Variants in CXCL14 observed in about 807,000 individuals in gnomAD.
CXCL14 encodes the protein C-X-C motif chemokine 14.
CXCL14 carries 9 observed loss-of-function variants against 16.1 expected under a neutral mutation model. That is an observed-to-expected ratio of 0.56 (90% CI 0.34 to 0.97). CXCL14 has a LOEUF of 0.97. Ranked by LOEUF, CXCL14 falls within the 50% of genes least tolerant of loss-of-function variation. CXCL14 has a pLI of 0.02. For synonymous variants in CXCL14, 55 were observed against 52.8 expected, an observed-to-expected ratio of 1.04 and a Z score of -0.18; for missense variants, 111 against 132.5, an observed-to-expected ratio of 0.84 and a Z score of 0.80.
chr5:135,574,361 G>A (rs923254442), intron 3 of CXCL14, among the ~76,000 whole-genome samples: 4 of 152,248 alleles, frequency 2.6e-5, no homozygotes, highest in African/African-American at 9.6e-5. Context: ...GCTTGCAAAT[G>A]GACAAGAGAT....
Position 135,574,553 on chromosome 5 carries a change from G to A in CXCL14, c.284+19C>T. On this transcript the variant is annotated intron_variant, in intron 3 of 3. Transcript: ENST00000512158. Reference sequence around the variant, plus strand: ...AGCTGGGTCTGGTGGGAAGGAAGGTGAGTAGAGGCGGGGCGTACCTGCGCT... The same window carrying A: ...AGCTGGGTCTGGTGGGAAGGAAGGTAAGTAGAGGCGGGGCGTACCTGCGCT... 2 of 1,602,084 alleles carry A rather than the reference G, an allele frequency of 1.2e-6. No homozygotes were observed. The highest frequency in any genetic ancestry group is 2.2e-5 in the East Asian group (1 of 44,768).
rs1751027788 is a variant in CXCL14, at chr5:135,571,527, G to C, written c.*326C>G. 1 of 342,088 alleles carries C rather than the reference G, an allele frequency of 2.9e-6. No homozygotes were observed. Among genetic ancestry groups the C allele is most frequent in the Non-Finnish European group, 5.3e-6 (1 of 189,382 alleles). The allele number at this position is 342,088 out of a possible 1,614,324, so 21.2% of individuals were successfully genotyped here. A position where few individuals can be genotyped will look rare whatever the true frequency, so the allele number is the denominator to read the frequency against. Reference sequence around the variant, plus strand: ...AAAGCTCAGATGTATAGTGACGTATGGACAAATACAAAAAAGCATTTTTTA... The same window carrying C: ...AAAGCTCAGATGTATAGTGACGTATCGACAAATACAAAAAAGCATTTTTTA... On this transcript the variant is annotated 3_prime_UTR_variant, in exon 4 of 4. Coordinates refer to ENST00000512158, the MANE Select transcript of CXCL14 (RefSeq NM_004887.5).
At chr5:135,577,481 C>T (rs377522122) in intron 2 of CXCL14, among the ~76,000 whole-genome samples, 2 of 152,188 alleles carry the variant, frequency 1.3e-5, no homozygotes, top group Non-Finnish European at 2.9e-5. Context: ...AGCCCCTAGA[C>T]GGGGATGGGG....
chr5:135,578,886 G>C lies in CXCL14; in HGVS notation c.-108C>G. 1 of 1,241,762 alleles carries C rather than the reference G, an allele frequency of 8.1e-7. No individual in the cohort carries two copies. Among genetic ancestry groups the C allele is most frequent in the South Asian group, 1.7e-5 (1 of 59,340 alleles). The allele number at this position is 1,241,762 out of a possible 1,614,324, so 76.9% of individuals were successfully genotyped here. ...AGCTCTGCTCGGCTTTCTCTGCCCG[G>C]GGCGCGCCTTCCGGCTCTGCTGGCT... is the stretch of plus-strand genomic sequence containing the variant. On this transcript the variant is annotated 5_prime_UTR_variant, in exon 1 of 4. Transcript: ENST00000512158.
At chr5:135,578,022 T>G (rs1751137679) in intron 2 of CXCL14, among the ~76,000 whole-genome samples, 1 of 152,250 alleles carries the variant, frequency 6.6e-6, no homozygotes, top group Admixed American at 6.5e-5. Flanking sequence ...GTGTTTGCAT[T>G]AGTCCTCTAT....
At chr5:135,572,579 G>A (rs1192424386) in intron 3 of CXCL14, among the ~76,000 whole-genome samples, 2 of 152,160 alleles carry the variant, frequency 1.3e-5, no homozygotes, top group East Asian at 1.9e-4. Flanking sequence ...TTCTAGTTCT[G>A]CCCCATGGCT....
intron 2 of CXCL14, among the ~76,000 whole-genome samples, chr5:135,575,845 G>A (rs771439109): frequency 6.6e-6 from 1 of 152,214 alleles, no homozygotes; most frequent in African/African-American, 2.4e-5. Context: ...CTGGGGTGCT[G>A]GAATGGGCTT....
Position 135,570,751 on chromosome 5 carries a change from T to C in CXCL14, c.*1102A>G, listed in dbSNP as rs1751012343. 1 of 152,164 alleles carries C rather than the reference T, an allele frequency of 6.6e-6. No homozygotes were observed. Among genetic ancestry groups the C allele is most frequent in the Admixed American group, 6.5e-5 (1 of 15,286 alleles). 9.4% of individuals were successfully genotyped at this position (152,164 alleles called of 1,614,324 possible). ...ATATGAAACCTGCATGCAATGCTAA[T>C]GGTTTCTGACATGTACATAGCATAT... On this transcript the variant is annotated 3_prime_UTR_variant, in exon 4 of 4. Transcript: ENST00000512158.
At position 135,571,704 on chromosome 5, in the gene CXCL14, A is replaced by G. The variant is rs1363129555; in HGVS notation, c.*149T>C. ...CGTTGGTAAAAAGTGCTTCATAACA[A>G]TATATAATTTGTGTCTTATGCCTGT... On this transcript the variant is annotated 3_prime_UTR_variant, in exon 4 of 4. Transcript: ENST00000512158. The G allele has an allele frequency of 2.5e-6, 2 of 797,500 alleles. No individual in the cohort carries two copies. The highest frequency in any genetic ancestry group is 3.8e-6 in the Non-Finnish European group (2 of 531,718). 49.4% of individuals were successfully genotyped at this position (797,500 alleles called of 1,614,324 possible). A position where few individuals can be genotyped will look rare whatever the true frequency, so the allele number is the denominator to read the frequency against.
At chr5:135,577,611 G>A (rs1751126363) in intron 2 of CXCL14, among the ~76,000 whole-genome samples, 1 of 152,230 alleles carries the variant, frequency 6.6e-6, no homozygotes, top group Admixed American at 6.5e-5. Context: ...TGTTTCTGGG[G>A]GAGGGGAAGA....
intron 2 of CXCL14, 145 bp from the exon 3 acceptor site, chr5:135,574,830 C>T: frequency 3.0e-6 from 2 of 670,604 alleles, no homozygotes; most frequent in Non-Finnish European, 5.3e-6. Context: ...GACTTGTGTG[C>T]TCACTTCCAA....
chr5:135,578,661 T>C, intron 1 of CXCL14, 54 bp downstream of exon 1: 1 of 1,566,828 alleles, frequency 6.4e-7, no homozygotes, highest in East Asian at 2.3e-5. Flanking sequence ...GGCGCTTGGG[T>C]TCCCCAGGAC....
In CXCL14 at chr5:135,571,630, C is replaced by T. The variant is rs1302214850; in HGVS notation, c.*223G>A. The T allele has an allele frequency of 1.9e-6, 1 of 517,946 alleles. No homozygotes were observed. Among genetic ancestry groups the T allele is most frequent in the African/African-American group, 2.0e-5 (1 of 50,968 alleles). 32.1% of individuals were successfully genotyped at this position (517,946 alleles called of 1,614,324 possible). On this transcript the variant is annotated 3_prime_UTR_variant, in exon 4 of 4. Transcript: ENST00000512158. ...AGTCTGGAGCACAAGAGAGATGGGT[C>T]TCCCATCTGGAAGCCTTTCGCACGC...
chr5:135,573,709 CGTGTGTGTGTGT>C (rs3057739), intron 3 of CXCL14, among the ~76,000 whole-genome samples: 9 of 145,516 alleles, frequency 6.2e-5, no homozygotes, highest in East Asian at 2.0e-4. Flanking sequence ...TGCATGCATG[CGTGTGTGTGTGT>C]GTGTGTGTGT....
At chr5:135,574,506 C>T in intron 3 of CXCL14, 66 bp downstream of exon 3, 1 of 1,318,466 alleles carries the variant, frequency 7.6e-7, no homozygotes, top group Non-Finnish European at 1.1e-6. Context: ...GTGGGGGGGT[C>T]CCTTCCCATC....
rs1189415066 is a variant in CXCL14, at chr5:135,574,663, T to C, written c.193A>G (p.Arg65Gly). The change falls in exon 3 of 4, where the codon AGG becomes GGG. Residue 65 changes from arginine to glycine, a missense_variant. Coordinates refer to ENST00000512158, the MANE Select transcript of CXCL14 (RefSeq NM_004887.5). Reference sequence around the variant, plus strand: ...AGGCAGTGCTCCTGACCTCGGTACCTGGACACGCTCTTGGTGGTGATGCTG... The same window carrying C: ...AGGCAGTGCTCCTGACCTCGGTACCCGGACACGCTCTTGGTGGTGATGCTG... ...MVIITTKSVSRYRGQEHCLHP... is the reference protein window; with the variant it reads ...MVIITTKSVSGYRGQEHCLHP... The C allele has an allele frequency of 1.9e-6, 3 of 1,613,610 alleles. No individual in the cohort carries two copies. Among genetic ancestry groups the C allele is most frequent in the African/African-American group, 1.3e-5 (1 of 74,854 alleles).
intron 2 of CXCL14, among the ~76,000 whole-genome samples, chr5:135,576,281 C>T (rs1250071249): frequency 2.0e-5 from 3 of 152,218 alleles, no homozygotes; most frequent in East Asian, 3.9e-4. Flanking sequence ...CCACTGTGCC[C>T]AGTCACCCTG....
At chr5:135,578,038 GACAGGAAGGCAGCACGCCTC>G (rs1263123739) in intron 2 of CXCL14, among the ~76,000 whole-genome samples, 9 of 152,224 alleles carry the variant, frequency 5.9e-5, no homozygotes, top group Non-Finnish European at 1.2e-4. Flanking sequence ...TCTATCCAGT[GACAGGAAGGCAGCACGCCTC>G]ACAGTTTGGG....
At position 135,571,451 on chromosome 5, in the gene CXCL14, C is replaced by T. The variant is rs245114; in HGVS notation, c.*402G>A. On this transcript the variant is annotated 3_prime_UTR_variant, in exon 4 of 4. Coordinates refer to ENST00000512158, the MANE Select transcript of CXCL14 (RefSeq NM_004887.5). Reference sequence around the variant, plus strand: ...GCTTCCCAAGCTAGGAATGGAGCAACACTGCAATGAAATGTGTCCACCAAG... The same window carrying T: ...GCTTCCCAAGCTAGGAATGGAGCAATACTGCAATGAAATGTGTCCACCAAG... 144 of 179,674 alleles carry T rather than the reference C, an allele frequency of 8.0e-4. No individual in the cohort carries two copies. Among genetic ancestry groups the T allele is most frequent in the Non-Finnish European group, 1.5e-3 (129 of 86,596 alleles). The allele number at this position is 179,674 out of a possible 1,614,324, so 11.1% of individuals were successfully genotyped here.
Sources: gnomAD v4.1 joint callset for allele counts (sites outside exome capture counted in the v4.1 genomes callset) on GRCh38, gnomAD v4.1.1 for gene constraint, MANE v1.5 for transcripts, NCBI Gene and HGNC (gene_info 2026-07-23, HGNC 2026-07-21) for gene names.